Variants in AR observed in about 807,000 individuals in gnomAD.
AR encodes dihydrotestosterone receptor.
AR carries 8 observed loss-of-function variants against 53.9 expected under a neutral mutation model. The observed-to-expected ratio is 0.15, with a 90% CI of 0.09 to 0.27. The LOEUF (loss-of-function observed/expected upper bound fraction) is 0.27, where lower values mean the gene tolerates loss of function less well. AR is among the 10% of genes least tolerant of loss of function. The pLI is 1.00. For missense variants in AR, 639 were observed against 742.5 expected, an observed-to-expected ratio of 0.86 and a Z score of 1.62; for synonymous variants, 359 against 316.4, an observed-to-expected ratio of 1.13 and a Z score of -1.43.
At chrX:67,553,896 G>A (rs1258738300) in intron 1 of AR, among the ~76,000 whole-genome samples, 1 of 112,009 alleles carries the variant, frequency 8.9e-6, no homozygotes, top group Non-Finnish European at 1.9e-5. Context: ...CTTGTATCCT[G>A]CAACCTTGCT....
chrX:67,603,988 TCA>T (rs1654793014), intron 1 of AR, among the ~76,000 whole-genome samples: 1 of 110,928 alleles, frequency 9.0e-6, no homozygotes, highest in Admixed American at 9.7e-5. Context: ...TAGATTGAAA[TCA>T]CAGAGTTAGG....
At chrX:67,703,453 G>T (rs1437885983) in intron 3 of AR, among the ~76,000 whole-genome samples, 2 of 111,568 alleles carry the variant, frequency 1.8e-5, no homozygotes, top group Non-Finnish European at 3.8e-5. Flanking sequence ...TATTGTGGTT[G>T]TCTTAAATAA....
chrX:67,709,955 C>G (rs1000912358), intron 3 of AR, among the ~76,000 whole-genome samples: 1 of 111,807 alleles, frequency 8.9e-6, no homozygotes, highest in Non-Finnish European at 1.9e-5. Flanking sequence ...GAATTCTTAA[C>G]CACTGTGTGT....
chrX:67,611,525 G>C (rs1923879456), intron 1 of AR, among the ~76,000 whole-genome samples: 1 of 111,115 alleles, frequency 9.0e-6, no homozygotes. Flanking sequence ...TTTAAAATTT[G>C]TTTATGTTTT....
intron 3 of AR, among the ~76,000 whole-genome samples, chrX:67,688,256 A>T (rs1282144016): frequency 9.0e-6 from 1 of 111,576 alleles, no homozygotes; most frequent in Admixed American, 9.6e-5. Flanking sequence ...GATGTTGTGT[A>T]AATGGCCTTG....
chrX:67,697,454 A>G (rs1263096150), intron 3 of AR, among the ~76,000 whole-genome samples: 1 of 111,362 alleles, frequency 9.0e-6, no homozygotes, highest in Non-Finnish European at 1.9e-5. Flanking sequence ...TGTGAGGTAG[A>G]TCTGTTATTA....
chrX:67,724,702 A>C lies in AR; in HGVS notation c.*861A>C, dbSNP rs1023433097. 24 of 173,922 alleles carry C rather than the reference A, an allele frequency of 1.4e-4. No homozygotes were observed. In the East Asian group the frequency reaches 1.9e-3, roughly 14 times the overall value. The allele number at this position is 173,922 out of a possible 1,213,427, so 14.3% of individuals were successfully genotyped here. ...TGCTTGTTGTTGAAAATTTGTCTGC[A>C]TGTTAATGCCTCACCCCCAAACCCT... is the stretch of plus-strand genomic sequence containing the variant. On this transcript the variant is annotated 3_prime_UTR_variant, in exon 8 of 8. Transcript: ENST00000374690.
intron 1 of AR, among the ~76,000 whole-genome samples, chrX:67,636,886 A>G (rs1036035684): frequency 8.9e-6 from 1 of 111,781 alleles, no homozygotes; most frequent in Non-Finnish European, 1.9e-5. Context: ...GTAAAAGTCC[A>G]GATTCTGAAT....
chrX:67,723,016 G>T, intron 7 of AR, 32 bp downstream of exon 7: 1 of 1,204,766 alleles, frequency 8.3e-7, no homozygotes, highest in Non-Finnish European at 1.1e-6. Flanking sequence ...CTTTATCAGG[G>T]AGAACAGCCT....
intron 1 of AR, among the ~76,000 whole-genome samples, chrX:67,611,334 A>G (rs1923870642): frequency 9.0e-6 from 1 of 111,375 alleles, no homozygotes; most frequent in Admixed American, 9.6e-5. Context: ...ATCTTTTCAC[A>G]TGTTTTTTTG....
rs182193375 is a variant in AR, at chrX:67,653,880, C to A, written c.1768+10473C>A. Among the ~76,000 whole-genome samples the A allele has an allele frequency of 6.3e-5, 7 of 111,471 alleles. No individual in the cohort carries two copies. The East Asian group carries it at 1.7e-3, about 27-fold the overall frequency. ...CAGTAACATGGTTGTATTAAATGAT[C>A]TTGAAGATTTTACCTGCACGTTTTG... On this transcript the variant is annotated intron_variant, in intron 2 of 7. Transcript: ENST00000374690.
At chrX:67,603,460 G>A (rs1179550421) in intron 1 of AR, among the ~76,000 whole-genome samples, 1 of 111,742 alleles carries the variant, frequency 8.9e-6, no homozygotes, top group Non-Finnish European at 1.9e-5. Flanking sequence ...GGGCCTTGAA[G>A]AATAGTTAGG....
intron 1 of AR, among the ~76,000 whole-genome samples, chrX:67,641,114 T>C (rs948470409): frequency 1.8e-5 from 2 of 110,323 alleles, no homozygotes; most frequent in Non-Finnish European, 3.8e-5. Flanking sequence ...TAGCACAACA[T>C]GGTTTGTCAG....
At chrX:67,599,876 A>T (rs909144125) in intron 1 of AR, among the ~76,000 whole-genome samples, 1 of 112,149 alleles carries the variant, frequency 8.9e-6, no homozygotes, top group Non-Finnish European at 1.9e-5. Flanking sequence ...TGATATGCGC[A>T]TATGGAATAC....
At chrX:67,630,722 T>C (rs1434205553) in intron 1 of AR, among the ~76,000 whole-genome samples, 3 of 111,147 alleles carry the variant, frequency 2.7e-5, no homozygotes, top group Non-Finnish European at 3.8e-5. Context: ...TTGATGCAGT[T>C]TCTTCCTAGT....
chrX:67,668,570 C>A (rs186159989), intron 2 of AR, among the ~76,000 whole-genome samples: 3 of 110,554 alleles, frequency 2.7e-5, no homozygotes, highest in Non-Finnish European at 5.7e-5. Context: ...GTAATACTGG[C>A]CTTGTAGAAT....
chrX:67,574,405 G>C (rs1449267366), intron 1 of AR, among the ~76,000 whole-genome samples: 2 of 110,442 alleles, frequency 1.8e-5, no homozygotes, highest in Non-Finnish European at 3.8e-5. Flanking sequence ...TATCAAAATG[G>C]AAATATACTC....
At chrX:67,661,508 G>A (rs1422898953) in intron 2 of AR, among the ~76,000 whole-genome samples, 1 of 111,748 alleles carries the variant, frequency 8.9e-6, no homozygotes, top group Non-Finnish European at 1.9e-5. Context: ...TTATATGCTG[G>A]ATTATGTTTA....
intron 1 of AR, among the ~76,000 whole-genome samples, chrX:67,622,181 A>G (rs1328457896): frequency 8.9e-6 from 1 of 111,930 alleles, no homozygotes; most frequent in Non-Finnish European, 1.9e-5. Flanking sequence ...ATTTGAAAAC[A>G]TTTTCCTGTT....
Sources: allele counts gnomAD v4.1 joint callset (sites outside exome capture counted in the v4.1 genomes callset), GRCh38; gene constraint gnomAD v4.1.1; transcripts MANE v1.5; gene names NCBI Gene and HGNC (gene_info 2026-07-23, HGNC 2026-07-21).